GMDS: variants seen among roughly 807,000 people sequenced by gnomAD.
GMDS encodes the protein GDP-mannose 4,6-dehydratase.
In GMDS, 20 loss-of-function variants were observed where a neutral mutation model predicts 49.9. The ratio of observed to expected loss-of-function variants is 0.40; its 90% CI spans 0.28 to 0.58. The LOEUF is 0.58. Ranked by LOEUF, GMDS falls within the 20% of genes least tolerant of loss-of-function variation. The pLI is 0.42. For synonymous variants in GMDS, 177 were observed against 178.6 expected, an observed-to-expected ratio of 0.99 and a Z score of 0.07; for missense variants, 362 against 481.4, an observed-to-expected ratio of 0.75 and a Z score of 2.32.
chr6:1,627,521 T>G (rs751145742), intron 9 of GMDS, among the ~76,000 whole-genome samples: 13 of 152,190 alleles, frequency 8.5e-5, no homozygotes, highest in Non-Finnish European at 1.5e-4. Context: ...CCCTTTAATC[T>G]TTACCTCCCT....
intron 1 of GMDS, among the ~76,000 whole-genome samples, chr6:2,169,630 A>C (rs989341568): frequency 1.4e-4 from 22 of 151,986 alleles, no homozygotes; most frequent in Middle Eastern, 3.4e-3. Flanking sequence ...GCAAAAAAAA[A>C]AAAAAACAAA....
intron 7 of GMDS, among the ~76,000 whole-genome samples, chr6:1,852,628 T>C (rs1757731293): frequency 6.6e-6 from 1 of 152,206 alleles, no homozygotes; most frequent in Non-Finnish European, 1.5e-5. Context: ...GTCTTTTTTT[T>C]TCTCTTAATT....
At chr6:1,756,662 C>T (rs544040241) in intron 7 of GMDS, among the ~76,000 whole-genome samples, 1 of 152,178 alleles carries the variant, frequency 6.6e-6, no homozygotes, top group Non-Finnish European at 1.5e-5. Flanking sequence ...TGGTGATGGC[C>T]AAGGCGGACT....
intron 4 of GMDS, among the ~76,000 whole-genome samples, chr6:2,090,623 G>A (rs1182962995): frequency 6.6e-6 from 1 of 152,056 alleles, no homozygotes; most frequent in Non-Finnish European, 1.5e-5. Flanking sequence ...GAACAACAAC[G>A]ACAAATCCTT....
intron 9 of GMDS, among the ~76,000 whole-genome samples, chr6:1,634,967 C>T (rs766329010): frequency 2.6e-5 from 4 of 152,246 alleles, no homozygotes; most frequent in African/African-American, 7.2e-5. Context: ...TGAATGAGAA[C>T]GTTTTTATTG....
chr6:1,752,644 G>A (rs956387559), intron 7 of GMDS, among the ~76,000 whole-genome samples: 4 of 152,132 alleles, frequency 2.6e-5, no homozygotes, highest in Admixed American at 6.6e-5. Context: ...GAGAAAGGTC[G>A]GGTTACTCAC....
chr6:1,993,927 G>A (rs774859579), intron 4 of GMDS, among the ~76,000 whole-genome samples: 1 of 152,132 alleles, frequency 6.6e-6, no homozygotes, highest in Non-Finnish European at 1.5e-5. Flanking sequence ...CCCACTCCAT[G>A]GGGCTCTGCC....
intron 4 of GMDS, among the ~76,000 whole-genome samples, chr6:2,057,259 C>T (rs1251197684): frequency 6.6e-6 from 1 of 152,150 alleles, no homozygotes; most frequent in Non-Finnish European, 1.5e-5. Context: ...TCATGAGACC[C>T]TCCCAGGGAG....
chr6:1,938,999 CCTCTT>C (rs1389173358), intron 6 of GMDS, among the ~76,000 whole-genome samples: 12 of 133,292 alleles, frequency 9.0e-5, no homozygotes, highest in African/African-American at 1.2e-4. Flanking sequence ...CCTCTCCTCT[CCTCTT>C]CTCTTCTCTC....
At chr6:1,743,606 G>A (rs1455522379) in intron 7 of GMDS, among the ~76,000 whole-genome samples, 1 of 151,892 alleles carries the variant, frequency 6.6e-6, no homozygotes, top group African/African-American at 2.4e-5. Context: ...CCAGGAGTCT[G>A]GTGGGCAAAA....
chr6:1,951,291 T>TA (rs1029269549), intron 6 of GMDS, among the ~76,000 whole-genome samples: 7 of 152,166 alleles, frequency 4.6e-5, no homozygotes, highest in African/African-American at 1.7e-4. Flanking sequence ...ACTTGGCAGC[T>TA]AAAAAAATGC....
chr6:1,921,500 T>C (rs970552766), intron 7 of GMDS, among the ~76,000 whole-genome samples: 19 of 152,322 alleles, frequency 1.2e-4, no homozygotes, highest in Non-Finnish European at 7.3e-5. Flanking sequence ...TCTTAACTTA[T>C]TTTAAATAAT....
intron 7 of GMDS, among the ~76,000 whole-genome samples, chr6:1,834,284 G>T (rs1234508369): frequency 6.6e-6 from 1 of 152,064 alleles, no homozygotes; most frequent in African/African-American, 2.4e-5. Context: ...AGTGGTGGGG[G>T]AAAAATGCTG....
chr6:1,673,363 A>G (rs1764487141), intron 9 of GMDS, among the ~76,000 whole-genome samples: 1 of 142,366 alleles, frequency 7.0e-6, no homozygotes, highest in South Asian at 2.3e-4. Context: ...TAGGTTACCA[A>G]AGGGCTTTTT....
chr6:1,827,076 ATATGTGTGTGTGTGTGTGTGTGTG>A (rs1309703929), intron 7 of GMDS, among the ~76,000 whole-genome samples: 1 of 111,116 alleles, frequency 9.0e-6, no homozygotes, highest in African/African-American at 3.6e-5. Context: ...AAAAAAATAT[ATATGTGTGTGTGTGTGTGTGTGTG>A]TGTGTGTGTG....
intron 7 of GMDS, among the ~76,000 whole-genome samples, chr6:1,852,350 A>C (rs1757715332): frequency 6.6e-6 from 1 of 152,220 alleles, no homozygotes; most frequent in South Asian, 2.1e-4. Flanking sequence ...CCTTTTGTTC[A>C]AAATCTTTCA....
At chr6:1,777,061 C>T (rs548962040) in intron 7 of GMDS, among the ~76,000 whole-genome samples, 5 of 152,184 alleles carry the variant, frequency 3.3e-5, no homozygotes, top group Admixed American at 3.3e-4. Flanking sequence ...ATTCTAGGCA[C>T]ATTTTACCCT....
chr6:2,153,962 T>TA (rs890286563), intron 1 of GMDS, among the ~76,000 whole-genome samples: 3 of 152,162 alleles, frequency 2.0e-5, no homozygotes, highest in Non-Finnish European at 2.9e-5. Flanking sequence ...AGGGAAGATA[T>TA]AGCACTAGGG....
intron 7 of GMDS, among the ~76,000 whole-genome samples, chr6:1,910,659 G>T (rs1009941677): frequency 3.3e-5 from 5 of 152,144 alleles, no homozygotes; most frequent in African/African-American, 4.8e-5. Flanking sequence ...CACAGCAGAC[G>T]CTTTGCACAT....
Sources: allele counts gnomAD v4.1 joint callset (sites outside exome capture counted in the v4.1 genomes callset), GRCh38; gene constraint gnomAD v4.1.1; transcripts MANE v1.5; gene names NCBI Gene and HGNC (gene_info 2026-07-23, HGNC 2026-07-21).